The following MAP3K3 variants were observed in gnomAD, a reference collection of about 807,000 sequenced individuals.
MAP3K3 encodes the protein MAP/ERK kinase kinase 3.
In MAP3K3, 12 loss-of-function variants were observed where a neutral mutation model predicts 80.9. That is an observed-to-expected ratio of 0.15 (90% CI 0.10 to 0.24). The LOEUF (loss-of-function observed/expected upper bound fraction) is 0.24. Among genes scored for constraint, MAP3K3 ranks in the 10% least tolerant of loss-of-function variants. The probability of loss-of-function intolerance (pLI) is 1.00; values close to 1 mark genes in which losing one functional copy is unlikely to be tolerated. For synonymous variants in MAP3K3, 272 were observed against 307.1 expected, an observed-to-expected ratio of 0.89 and a Z score of 1.19; for missense variants, 596 against 834.7, an observed-to-expected ratio of 0.71 and a Z score of 3.52.
intron 7 of MAP3K3, among the ~76,000 whole-genome samples, chr17:63,683,073 A>G (rs1485558099): frequency 6.6e-6 from 1 of 152,380 alleles, no homozygotes; most frequent in East Asian, 1.9e-4. Flanking sequence ...GATGTAAAAG[A>G]AAAGGCTGCT....
chr17:63,642,903 G>A lies in MAP3K3; in HGVS notation c.127-3131G>A, dbSNP rs1264389847. On this transcript the variant is annotated intron_variant, in intron 2 of 15. Coordinates refer to ENST00000361733, the MANE Select transcript of MAP3K3 (RefSeq NM_002401.5). ...TTTCCAAGTAGCTAAGACTACAGGC[G>A]TGTGCCACCACAACCAGCTAATTTT... is the stretch of plus-strand genomic sequence containing the variant. Among the ~76,000 whole-genome samples the A allele has an allele frequency of 5.3e-5, 8 of 151,602 alleles. No individual in the cohort carries two copies. The East Asian group carries it at 5.9e-4, about 11-fold the overall frequency.
intron 3 of MAP3K3, among the ~76,000 whole-genome samples, chr17:63,651,430 T>C (rs893927317): frequency 4.2e-5 from 3 of 71,718 alleles, no homozygotes; most frequent in African/African-American, 3.2e-4. Flanking sequence ...CCGTTATCAT[T>C]GCCACTGCAC....
At chr17:63,660,823 C>T (rs981083959) in intron 5 of MAP3K3, among the ~76,000 whole-genome samples, 6 of 151,036 alleles carry the variant, frequency 4.0e-5, no homozygotes, top group African/African-American at 7.3e-5. Context: ...CTTGAACTCC[C>T]GACCTCAGGT....
At chr17:63,667,306 C>T (rs935515064) in intron 6 of MAP3K3, among the ~76,000 whole-genome samples, 1 of 152,056 alleles carries the variant, frequency 6.6e-6, no homozygotes, top group Non-Finnish European at 1.5e-5. Flanking sequence ...TTTAAACATC[C>T]CTGAAAAAGT....
chr17:63,624,605 C>T (rs1236684607), intron 1 of MAP3K3, among the ~76,000 whole-genome samples: 10 of 152,192 alleles, frequency 6.6e-5, no homozygotes, highest in Admixed American at 6.5e-4. Flanking sequence ...GGGCCAGGAC[C>T]TCAGGATCTT....
rs2035632288 is a variant in MAP3K3 at position 63,693,366 on chromosome 17, G to T, written c.1653-183G>T. Among the ~76,000 whole-genome samples the T allele has an allele frequency of 6.6e-6, 1 of 152,132 alleles. No homozygotes were observed. The highest frequency in any genetic ancestry group is 1.9e-4 in the East Asian group (1 of 5,190). ...TTTCCTTATTTCAAGAAGTACCCAG[G>T]TGTGTGGTGAGTGTAGGTCCATGAA... On this transcript the variant is annotated intron_variant, in intron 15 of 15. Transcript: ENST00000361733. This position sits in a 1 kb window ranked among gnomAD's most constrained non-coding sequence, Gnocchi z 4.2.
chr17:63,638,064 G>C (rs920822018), intron 2 of MAP3K3, among the ~76,000 whole-genome samples: 1 of 152,090 alleles, frequency 6.6e-6, no homozygotes, highest in Non-Finnish European at 1.5e-5. Context: ...CTCTTTCAAG[G>C]GTTGTTGATA....
Position 63,689,729 on chromosome 17 carries a change from A to G in MAP3K3, c.1057A>G (p.Thr353Ala). ...CTCTGTGCAGGAGAGGAATGTGCCA[A>G]CCAAGTGTGAGGAGCTGTCCCTGGC... ...ALSVQERNVP[T>A]KSPSAPINWR... Residue 353 changes from threonine (T) to alanine (A), a missense_variant, in exon 11 of 16, where the codon ACC becomes GCC. By Grantham distance (58) the Thr-to-Ala change is moderately conservative. This residue lies in a region of MAP3K3 where 364 missense variants were observed against 588.9 expected (regional missense o/e 0.62). Transcript: ENST00000361733. The surrounding 1 kb of genome is among the most constrained non-coding windows in gnomAD (Gnocchi z 4.3). 1.2e-6 allele frequency: 2 copies of G among 1,611,630 alleles called. No individual in the cohort carries two copies. Among genetic ancestry groups the G allele is most frequent in the Non-Finnish European group, 1.7e-6 (2 of 1,178,444 alleles).
At chr17:63,628,642 G>C (rs1661754376) in intron 1 of MAP3K3, among the ~76,000 whole-genome samples, 4 of 152,158 alleles carry the variant, frequency 2.6e-5, no homozygotes, top group African/African-American at 9.7e-5. Context: ...TTACAGGCGT[G>C]AGCCCCTGGG....
At chr17:63,673,069 C>A (rs2035143094) in intron 6 of MAP3K3, among the ~76,000 whole-genome samples, 1 of 152,172 alleles carries the variant, frequency 6.6e-6, no homozygotes, top group Admixed American at 6.5e-5. Flanking sequence ...AGTGAGTCTG[C>A]AGCAAGCAGG....
At chr17:63,622,829 GA>G in intron 1 of MAP3K3, 66 bp downstream of exon 1, 1 of 419,592 alleles carries the variant, frequency 2.4e-6, no homozygotes, top group Middle Eastern at 4.1e-4. Flanking sequence ...CAGGCTGAGG[GA>G]GGAGGACCCT....
intron 6 of MAP3K3, among the ~76,000 whole-genome samples, chr17:63,676,259 G>A (rs2035217657): frequency 6.6e-6 from 1 of 152,184 alleles, no homozygotes; most frequent in Non-Finnish European, 1.5e-5. Context: ...TTTCCCCCCA[G>A]ACCCTCCTGG....
chr17:63,688,838 C>T lies in MAP3K3; in HGVS notation c.828C>T (p.Pro276=). The change falls in exon 10 of 16, where the codon CCC becomes CCT. Residue 276 remains proline (P), a synonymous_variant. Coordinates refer to ENST00000361733, the MANE Select transcript of MAP3K3 (RefSeq NM_002401.5). ...YDKGVKGGTY[P]RRYHVSVHHK... ...AAGGGGTCAAAGGTGGAACCTACCC[C>T]CGGCGCTACCACGTGTCTGTGCACC... The T allele has an allele frequency of 6.2e-7, 1 of 1,614,056 alleles. No homozygotes were observed. The highest frequency in any genetic ancestry group is 8.5e-7 in the Non-Finnish European group (1 of 1,179,970).
intron 1 of MAP3K3, among the ~76,000 whole-genome samples, chr17:63,626,548 A>G (rs1199644732): frequency 6.6e-6 from 1 of 152,250 alleles, no homozygotes; most frequent in Non-Finnish European, 1.5e-5. Context: ...TTGAATGCCT[A>G]TTATATCTTA....
chr17:63,634,613 T>C, intron 2 of MAP3K3: 1 of 981,738 alleles, frequency 1.0e-6, no homozygotes, highest in Non-Finnish European at 1.6e-6. Flanking sequence ...TAACAAGAGG[T>C]ACTAGATCTT....
At chr17:63,656,705 C>T (rs1437708609) in intron 4 of MAP3K3, among the ~76,000 whole-genome samples, 3 of 152,176 alleles carry the variant, frequency 2.0e-5, no homozygotes, top group Non-Finnish European at 4.4e-5. Flanking sequence ...GTATTCATAA[C>T]ATGCTCTGCT....
chr17:63,649,908 C>T (rs867177359), intron 3 of MAP3K3, among the ~76,000 whole-genome samples: 1 of 152,228 alleles, frequency 6.6e-6, no homozygotes, highest in Admixed American at 6.5e-5. Flanking sequence ...AGATCCCTCT[C>T]TCTTGTGGCT....
intron 1 of MAP3K3, among the ~76,000 whole-genome samples, 180 bp downstream of exon 1, chr17:63,622,943 G>T (rs927030880): frequency 6.8e-6 from 1 of 146,726 alleles, no homozygotes; most frequent in Admixed American, 6.7e-5. Flanking sequence ...CCGGGCGGGG[G>T]TTCTGGCTCC....
At chr17:63,674,750 G>T (rs2035182500) in intron 6 of MAP3K3, among the ~76,000 whole-genome samples, 1 of 152,140 alleles carries the variant, frequency 6.6e-6, no homozygotes, top group Non-Finnish European at 1.5e-5. Context: ...AGACCATGGG[G>T]GAGCTGACTC....
Sources: allele counts gnomAD v4.1 joint callset (sites outside exome capture counted in the v4.1 genomes callset), GRCh38; gene constraint gnomAD v4.1.1; regional missense constraint gnomAD v4.1.1; non-coding constraint Gnocchi (gnomAD v3.1); transcripts MANE v1.5; gene names NCBI Gene and HGNC (gene_info 2026-07-23, HGNC 2026-07-21).